Variants in KALRN observed in about 807,000 individuals in gnomAD.
KALRN encodes the protein kalirin RhoGEF kinase.
Under a neutral mutation model 353.7 loss-of-function variants are expected in KALRN, and 70 were observed. The ratio of observed to expected loss-of-function variants is 0.20; its 90% confidence interval spans 0.16 to 0.24. The LOEUF is 0.24. Among genes scored for constraint, KALRN ranks in the 10% least tolerant of loss-of-function variants. The probability of loss-of-function intolerance (pLI) is 1.00; values close to 1 mark genes in which losing one functional copy is unlikely to be tolerated. For synonymous variants in KALRN, 1,391 were observed against 1,434.8 expected (o/e 0.97, Z 0.69); for missense variants, 2,791 against 3,756.7 (o/e 0.74, Z 6.72).
intron 34 of KALRN, among the ~76,000 whole-genome samples, chr3:124,616,151 C>G (rs2078566769): frequency 6.6e-6 from 1 of 152,200 alleles, no homozygotes; most frequent in Non-Finnish European, 1.5e-5. Context: ...TGCTTCTTCT[C>G]TCAGGTTTCC....
At chr3:124,262,800 C>T (rs1331284647) in intron 3 of KALRN, among the ~76,000 whole-genome samples, 1 of 152,190 alleles carries the variant, frequency 6.6e-6, no homozygotes, top group East Asian at 1.9e-4. Context: ...TGTGGCCTTA[C>T]TGCCAGCAGC....
intron 45 of KALRN, among the ~76,000 whole-genome samples, 191 bp from the exon 46 acceptor site, chr3:124,666,258 A>G (rs569079260): frequency 6.6e-6 from 1 of 152,252 alleles, no homozygotes; most frequent in Admixed American, 6.5e-5. Context: ...CCCTTGTGTG[A>G]ACAGGAAAGT....
chr3:124,033,992 C>G lies in KALRN; in HGVS notation c.73+179C>G, dbSNP rs944945599. Among the ~76,000 whole-genome samples the G allele has an allele frequency of 6.6e-6, 1 of 152,000 alleles. No homozygotes were observed. The highest frequency in any genetic ancestry group is 2.4e-5 in the African/African-American group (1 of 41,388). ...GTTGTTATGGCAGTGCTGGCTGCGT[C>G]TGGGGAGGGCGTGGGGGCTGGGAAC... On this transcript the variant is annotated intron_variant, in intron 1 of 59. Transcript: ENST00000682506. The surrounding 1 kb of genome is among the most constrained non-coding windows in gnomAD (Gnocchi z 6.2).
At chr3:124,686,545 G>A (rs2061565619) in intron 51 of KALRN, among the ~76,000 whole-genome samples, 1 of 152,126 alleles carries the variant, frequency 6.6e-6, no homozygotes, top group East Asian at 1.9e-4. Context: ...AAGCCCTGAG[G>A]TGGGAGGTGC....
At chr3:124,475,875 A>G (rs2061384360) in intron 26 of KALRN, among the ~76,000 whole-genome samples, 1 of 152,192 alleles carries the variant, frequency 6.6e-6, no homozygotes, top group South Asian at 2.1e-4. Context: ...CTACCCCTAA[A>G]TATATGAGCC....
intron 5 of KALRN, among the ~76,000 whole-genome samples, chr3:124,291,357 G>C (rs925519649): frequency 5.3e-5 from 8 of 152,144 alleles, no homozygotes; most frequent in African/African-American, 1.9e-4. Flanking sequence ...TCCCAATCAA[G>C]ATGAAATTTG....
chr3:124,413,152 C>A (rs2092295211), intron 13 of KALRN, among the ~76,000 whole-genome samples: 1 of 152,126 alleles, frequency 6.6e-6, no homozygotes, highest in Non-Finnish European at 1.5e-5. Flanking sequence ...CTCCACCATG[C>A]CTGCCTCATT....
At chr3:124,130,456 A>C (rs1297070711) in intron 1 of KALRN, among the ~76,000 whole-genome samples, 2 of 152,208 alleles carry the variant, frequency 1.3e-5, no homozygotes, top group Non-Finnish European at 1.5e-5. Flanking sequence ...CGTCTTTTCC[A>C]GTGATACTTT....
intron 1 of KALRN, among the ~76,000 whole-genome samples, chr3:124,144,661 C>T (rs1170400341): frequency 3.3e-5 from 5 of 151,622 alleles, no homozygotes; most frequent in Admixed American, 6.6e-5. Context: ...TCATCCTCTT[C>T]CTCTTCCTCA....
At chr3:124,189,719 C>T (rs1314182292) in intron 1 of KALRN, among the ~76,000 whole-genome samples, 1 of 152,142 alleles carries the variant, frequency 6.6e-6, no homozygotes, top group Non-Finnish European at 1.5e-5. Context: ...GCAGGTGGAT[C>T]ACAATGTCAG....
At chr3:124,261,869 A>C (rs1029527404) in intron 3 of KALRN, among the ~76,000 whole-genome samples, 1 of 152,232 alleles carries the variant, frequency 6.6e-6, no homozygotes, top group African/African-American at 2.4e-5. Flanking sequence ...AAACTAAATG[A>C]TGCTCAGTGA....
At chr3:124,529,264 G>A (rs896495137) in intron 33 of KALRN, among the ~76,000 whole-genome samples, 7 of 152,128 alleles carry the variant, frequency 4.6e-5, no homozygotes, top group African/African-American at 1.7e-4. Flanking sequence ...TCTCCTTAGT[G>A]TACAGAAACA....
intron 5 of KALRN, among the ~76,000 whole-genome samples, chr3:124,286,082 C>CCTTTCTTTTCTTT (rs2075817459): frequency 9.8e-6 from 1 of 102,156 alleles, no homozygotes; most frequent in Admixed American, 1.1e-4. Context: ...TTCTTTCCTT[C>CCTTTCTTTTCTTT]CTTTCTTTCT....
chr3:124,095,147 G>C (rs1278468260), intron 1 of KALRN, among the ~76,000 whole-genome samples: 1 of 152,122 alleles, frequency 6.6e-6, no homozygotes, highest in Non-Finnish European at 1.5e-5. Context: ...TGTATAACAG[G>C]ATCTCATTTC....
chr3:124,403,645 A>ATAAC (rs2091149924), intron 13 of KALRN, among the ~76,000 whole-genome samples: 1 of 152,332 alleles, frequency 6.6e-6, no homozygotes, highest in East Asian at 1.9e-4. Context: ...TAAGCTGATT[A>ATAAC]TAACTTACTG....
chr3:124,540,655 C>T (rs1477970333), intron 33 of KALRN, among the ~76,000 whole-genome samples: 12 of 152,194 alleles, frequency 7.9e-5, no homozygotes, highest in Non-Finnish European at 2.9e-5. Context: ...GTCCAAGCCA[C>T]AGAGCTGGGA....
intron 5 of KALRN, among the ~76,000 whole-genome samples, chr3:124,288,095 G>A (rs575267208): frequency 6.6e-6 from 1 of 151,952 alleles, no homozygotes; most frequent in Admixed American, 6.6e-5. Flanking sequence ...GGCTGGTCTC[G>A]AGCTCCTGAC....
At chr3:124,613,200 T>TA (rs11353138) in intron 34 of KALRN, among the ~76,000 whole-genome samples, 1 of 151,506 alleles carries the variant, frequency 6.6e-6, no homozygotes. Flanking sequence ...TTGCCTCCTT[T>TA]AAAAAAAAAA....
At chr3:124,686,402 T>G (rs997981876) in intron 51 of KALRN, among the ~76,000 whole-genome samples, 4 of 152,196 alleles carry the variant, frequency 2.6e-5, no homozygotes, top group Non-Finnish European at 5.9e-5. Flanking sequence ...CTGTGTATTC[T>G]TAGGTAGCCT....
Sources: gnomAD v4.1 joint callset for allele counts (sites outside exome capture counted in the v4.1 genomes callset) on GRCh38, gnomAD v4.1.1 for gene constraint, Gnocchi (gnomAD v3.1) non-coding constraint, MANE v1.5 for transcripts, NCBI Gene and HGNC (gene_info 2026-07-23, HGNC 2026-07-21) for gene names.